FGF14: variants seen among roughly 807,000 people sequenced by gnomAD.
FGF14 encodes fibroblast growth factor homologous factor 4.
FGF14 carries 5 observed loss-of-function variants against 25.5 expected under a neutral mutation model. The observed-to-expected ratio is 0.20, with a 90% confidence interval of 0.10 to 0.41. FGF14 has a LOEUF of 0.41. Ranked by LOEUF, FGF14 falls within the 10% of genes least tolerant of loss-of-function variation. The pLI, the probability that FGF14 is intolerant of heterozygous loss-of-function variation, is 1.00. For synonymous variants in FGF14, 138 were observed against 118.3 expected (o/e 1.17, Z -1.08); for missense variants, 222 against 320.1 (o/e 0.69, Z 2.34).
At chr13:102,139,592 G>A (rs1037128948) in intron 1 of FGF14, among the ~76,000 whole-genome samples, 2 of 152,130 alleles carry the variant, frequency 1.3e-5, no homozygotes, top group African/African-American at 4.8e-5. Context: ...GATGACTGCT[G>A]TGGAGGGGGG....
At chr13:102,309,616 C>G (rs1333839254) in intron 1 of FGF14, among the ~76,000 whole-genome samples, 2 of 152,114 alleles carry the variant, frequency 1.3e-5, no homozygotes, top group African/African-American at 4.8e-5. Flanking sequence ...AAAGTCAATT[C>G]AATAATCAAA....
chr13:101,929,758 T>C (rs1053902207), intron 1 of FGF14, among the ~76,000 whole-genome samples: 1 of 152,256 alleles, frequency 6.6e-6, no homozygotes, highest in Non-Finnish European at 1.5e-5. Flanking sequence ...CATATATACA[T>C]GCACACATTC....
chr13:101,790,619 A>T (rs967757567), intron 3 of FGF14, among the ~76,000 whole-genome samples: 1 of 152,052 alleles, frequency 6.6e-6, no homozygotes, highest in Non-Finnish European at 1.5e-5. Flanking sequence ...TTAAACACCA[A>T]TTTCCATAAA....
At chr13:101,912,281 C>A (rs2033024769) in intron 1 of FGF14, among the ~76,000 whole-genome samples, 1 of 152,078 alleles carries the variant, frequency 6.6e-6, no homozygotes, top group African/African-American at 2.4e-5. Flanking sequence ...TAGTAAGAAG[C>A]CCAGGCACCT....
intron 3 of FGF14, chr13:101,802,185 C>G (rs1454402240): frequency 4.1e-6 from 1 of 246,388 alleles, no homozygotes; most frequent in African/African-American, 2.3e-5. Flanking sequence ...TTCAGAAGTC[C>G]ACTTCAAGGT....
chr13:102,018,623 CTCT>C (rs372968264), intron 1 of FGF14, among the ~76,000 whole-genome samples: 3 of 151,448 alleles, frequency 2.0e-5, no homozygotes, highest in East Asian at 3.9e-4. Context: ...GCCCTGAGGT[CTCT>C]TCTTCTTCTT....
chr13:101,852,210 G>A (rs1416545216), intron 3 of FGF14, among the ~76,000 whole-genome samples: 7 of 151,852 alleles, frequency 4.6e-5, no homozygotes, highest in Non-Finnish European at 4.4e-5. Context: ...GCCAGCCACC[G>A]AAACACATGA....
At chr13:102,176,244 A>C (rs2048444715) in intron 1 of FGF14, among the ~76,000 whole-genome samples, 1 of 152,292 alleles carries the variant, frequency 6.6e-6, no homozygotes, top group East Asian at 1.9e-4. Flanking sequence ...GCCACAAAGA[A>C]GAATGAAATC....
intron 1 of FGF14, among the ~76,000 whole-genome samples, chr13:102,312,653 A>G (rs1336708): frequency 0.27 from 41,810 of 152,070 alleles, 6,322 homozygotes; most frequent in African/African-American, 0.41. Flanking sequence ...TTAAAGGGAT[A>G]GAGACATCAG....
intron 3 of FGF14, among the ~76,000 whole-genome samples, chr13:101,753,284 GACAC>G (rs1201326845): frequency 8.6e-6 from 1 of 116,156 alleles, no homozygotes; most frequent in Admixed American, 9.9e-5. Context: ...CACACACACA[GACAC>G]ACACAGACAG....
intron 1 of FGF14, among the ~76,000 whole-genome samples, chr13:102,398,303 G>A (rs371275366): frequency 9.2e-5 from 14 of 152,104 alleles, no homozygotes; most frequent in African/African-American, 1.4e-4. Context: ...CCTTAAATTC[G>A]TAACTCTATT....
chr13:101,783,166 G>A (rs1256577060), intron 3 of FGF14, among the ~76,000 whole-genome samples: 1 of 152,026 alleles, frequency 6.6e-6, no homozygotes, highest in African/African-American at 2.4e-5. Flanking sequence ...GTTGGTGCAT[G>A]TATGCCTTCT....
chr13:101,962,120 G>A (rs973071722), intron 1 of FGF14, among the ~76,000 whole-genome samples: 6 of 152,048 alleles, frequency 3.9e-5, no homozygotes, highest in African/African-American at 1.4e-4. Context: ...TAGTTTAATG[G>A]GTATAGCATT....
intron 1 of FGF14, among the ~76,000 whole-genome samples, chr13:102,177,809 T>C (rs956770301): frequency 1.3e-5 from 2 of 151,974 alleles, no homozygotes; most frequent in African/African-American, 4.8e-5. Context: ...CAAAAAGTAA[T>C]CTTCATTTTA....
intron 1 of FGF14, among the ~76,000 whole-genome samples, chr13:102,196,911 T>C (rs1566805655): frequency 6.7e-6 from 1 of 149,352 alleles, no homozygotes; most frequent in Admixed American, 6.6e-5. Flanking sequence ...TTACCAGTGG[T>C]TTATCTTTGA....
At chr13:102,289,622 G>C (rs2054275572) in intron 1 of FGF14, among the ~76,000 whole-genome samples, 1 of 152,110 alleles carries the variant, frequency 6.6e-6, no homozygotes, top group African/African-American at 2.4e-5. Flanking sequence ...TTAGCTTGAG[G>C]GTTGTACGAA....
At chr13:102,401,716 T>C (rs2058706488) in exon 1 of FGF14, 1 of 1,560,846 alleles carries the variant, frequency 6.4e-7, no homozygotes, top group East Asian at 2.3e-5. Context: ...CTCCCAGTTT[T>C]TTCCCCTCAC....
chr13:102,371,712 C>A (rs947877052), intron 1 of FGF14, among the ~76,000 whole-genome samples: 11 of 152,046 alleles, frequency 7.2e-5, no homozygotes, highest in African/African-American at 2.7e-4. Context: ...AAATAAGATG[C>A]TTACTTAATA....
intron 3 of FGF14, among the ~76,000 whole-genome samples, chr13:101,819,229 CAAATT>C (rs2041993493): frequency 6.6e-6 from 1 of 151,750 alleles, no homozygotes; most frequent in Non-Finnish European, 1.5e-5. Context: ...TAATTTGTGA[CAAATT>C]AAATCATCTA....
Sources: allele counts gnomAD v4.1 joint callset (sites outside exome capture counted in the v4.1 genomes callset), GRCh38; gene constraint gnomAD v4.1.1; transcripts MANE v1.5; gene names NCBI Gene and HGNC (gene_info 2026-07-23, HGNC 2026-07-21).